Variants in TLN2 observed in about 807,000 individuals in gnomAD.
The protein encoded by TLN2 is talin-2.
A neutral mutation model predicts 294.7 loss-of-function variants in TLN2; 118 were observed. That is an observed-to-expected ratio of 0.40 (90% confidence interval 0.34 to 0.47). TLN2 has a LOEUF of 0.47. Ranked by LOEUF, TLN2 falls within the 20% of genes least tolerant of loss-of-function variation. The probability of loss-of-function intolerance (pLI) is 0.84; values close to 1 mark genes in which losing one functional copy is unlikely to be tolerated. For missense variants in TLN2, 3,083 were observed against 3,282.2 expected, an observed-to-expected ratio of 0.94 and a Z score of 1.48; for synonymous variants, 1,431 against 1,304.5, an observed-to-expected ratio of 1.10 and a Z score of -2.09.
chr15:62,619,388 A>G (rs2048579131), intron 3 of TLN2, among the ~76,000 whole-genome samples: 1 of 152,168 alleles, frequency 6.6e-6, no homozygotes, highest in African/African-American at 2.4e-5. Context: ...AGTTTGTGAG[A>G]GCTATATAGA....
At chr15:62,489,447 G>A (rs1595919663) in intron 1 of TLN2, among the ~76,000 whole-genome samples, 1 of 152,252 alleles carries the variant, frequency 6.6e-6, no homozygotes, top group East Asian at 1.9e-4. Flanking sequence ...AACCTTCCCT[G>A]AAACTTTTCA....
intron 40 of TLN2, among the ~76,000 whole-genome samples, chr15:62,763,964 A>G (rs1463451902): frequency 1.3e-5 from 2 of 152,212 alleles, no homozygotes; most frequent in African/African-American, 2.4e-5. Flanking sequence ...GAAAATATCA[A>G]TATCAAGGTA....
At chr15:62,729,398 C>G (rs1307903409) in intron 28 of TLN2, among the ~76,000 whole-genome samples, 1 of 152,134 alleles carries the variant, frequency 6.6e-6, no homozygotes, top group African/African-American at 2.4e-5. Context: ...ATACTGTTTT[C>G]TTAAGCCAGT....
At chr15:62,676,829 A>G (rs919133202) in intron 11 of TLN2, among the ~76,000 whole-genome samples, 19 of 152,230 alleles carry the variant, frequency 1.2e-4, no homozygotes, top group Admixed American at 1.0e-3. Context: ...TGCCCAGGCT[A>G]GTCTTGAACT....
intron 1 of TLN2, among the ~76,000 whole-genome samples, chr15:62,403,184 G>A (rs2033149474): frequency 6.6e-6 from 1 of 151,200 alleles, no homozygotes. Flanking sequence ...GTTGCAGTGA[G>A]CCGAGATCGT....
intron 1 of TLN2, among the ~76,000 whole-genome samples, chr15:62,544,383 A>G (rs1015685817): frequency 2.6e-5 from 4 of 152,100 alleles, no homozygotes; most frequent in Non-Finnish European, 5.9e-5. Context: ...TTCCTTAGCC[A>G]TCTTTCTGTG....
At chr15:62,441,239 C>G (rs756900575) in intron 1 of TLN2, among the ~76,000 whole-genome samples, 5 of 152,264 alleles carry the variant, frequency 3.3e-5, no homozygotes, top group Non-Finnish European at 5.9e-5. Context: ...ATTTACTTAT[C>G]TAATATTTTT....
Position 62,712,045 on chromosome 15 carries a change from G to T in TLN2, c.2602G>T (p.Asp868Tyr). ...KLLAAAKLLA[D>Y]STARMVEAAK... ...CCTGGCAGCAGCAAAACTCTTAGCTGACTCCACTGCTCGCATGGTGGAAGC... is the reference window on the plus strand; with the variant it reads ...CCTGGCAGCAGCAAAACTCTTAGCTTACTCCACTGCTCGCATGGTGGAAGC... The change falls in exon 22 of 59, where the codon GAC becomes TAC. Residue 868 changes from aspartate (D) to tyrosine (Y), a missense_variant. Physicochemically the swap from Asp to Tyr is radical, Grantham distance 160. Coordinates refer to ENST00000636159, the MANE Select transcript of TLN2 (RefSeq NM_015059.3). The T allele has an allele frequency of 6.2e-7, 1 of 1,614,172 alleles. No homozygotes were observed. Among genetic ancestry groups the T allele is most frequent in the Non-Finnish European group, 8.5e-7 (1 of 1,180,016 alleles).
rs1229807448 is a variant in TLN2, at chr15:62,473,717, A to G, written c.-238+83032A>G. On this transcript the variant is annotated intron_variant, in intron 1 of 58. Coordinates refer to ENST00000636159, the MANE Select transcript of TLN2 (RefSeq NM_015059.3). ...ATACTTCTCTTTCATCAGTGCTACA[A>G]GAAGCCGGTTTCCTCACTGGATCCT... Among the ~76,000 whole-genome samples the G allele has an allele frequency of 2.6e-5, 4 of 152,204 alleles. No homozygotes were observed. The East Asian group carries it at 7.7e-4, about 29-fold the overall frequency.
chr15:62,517,341 T>G (rs2040237323), intron 1 of TLN2, among the ~76,000 whole-genome samples: 1 of 152,242 alleles, frequency 6.6e-6, no homozygotes, highest in African/African-American at 2.4e-5. Context: ...TTCACACATT[T>G]GTTGTACTTG....
At chr15:62,541,421 T>C (rs1226167835) in intron 1 of TLN2, among the ~76,000 whole-genome samples, 2 of 152,212 alleles carry the variant, frequency 1.3e-5, no homozygotes, top group African/African-American at 2.4e-5. Flanking sequence ...GGAATTTGCC[T>C]TGTGGATTTT....
intron 1 of TLN2, among the ~76,000 whole-genome samples, chr15:62,567,580 A>T (rs2043512026): frequency 6.6e-6 from 1 of 152,202 alleles, no homozygotes; most frequent in Non-Finnish European, 1.5e-5. Context: ...CACGCTTGTA[A>T]TCCCAGCACT....
chr15:62,827,958 G>A (rs1211732358), intron 54 of TLN2: 1 of 152,182 alleles, frequency 6.6e-6, no homozygotes, highest in Non-Finnish European at 1.5e-5. Context: ...AAAGAAACAT[G>A]AGGAAAGGCT....
At chr15:62,655,130 G>T (rs908353335) in intron 7 of TLN2, among the ~76,000 whole-genome samples, 2 of 151,796 alleles carry the variant, frequency 1.3e-5, no homozygotes, top group East Asian at 1.9e-4. Context: ...AGAGACTTTA[G>T]TAGAAAAATC....
chr15:62,624,009 G>A (rs2049050847), intron 3 of TLN2, among the ~76,000 whole-genome samples: 2 of 152,164 alleles, frequency 1.3e-5, no homozygotes, highest in African/African-American at 4.8e-5. Context: ...GATTTTCACT[G>A]TATCCTTAAC....
chr15:62,788,949 C>T (rs1005655903), intron 45 of TLN2, among the ~76,000 whole-genome samples: 10 of 152,172 alleles, frequency 6.6e-5, no homozygotes, highest in African/African-American at 2.4e-4. Context: ...ATGGGCTCAC[C>T]CAGAATGTCA....
chr15:62,472,637 A>G (rs2140364777), intron 1 of TLN2, among the ~76,000 whole-genome samples: 1 of 152,336 alleles, frequency 6.6e-6, no homozygotes, highest in East Asian at 1.9e-4. Context: ...ACCAAAAAAA[A>G]GTTTTTTTGG....
At chr15:62,495,102 A>AG (rs1343182577) in intron 1 of TLN2, among the ~76,000 whole-genome samples, 1 of 152,206 alleles carries the variant, frequency 6.6e-6, no homozygotes, top group African/African-American at 2.4e-5. Flanking sequence ...CTGCACTTGC[A>AG]ATTGCACTGT....
chr15:62,493,581 G>A (rs2038862359), intron 1 of TLN2, among the ~76,000 whole-genome samples: 1 of 151,660 alleles, frequency 6.6e-6, no homozygotes, highest in Non-Finnish European at 1.5e-5. Flanking sequence ...TCCCACGTAG[G>A]AAGCTGGCCC....
Sources: gnomAD v4.1 joint callset for allele counts (sites outside exome capture counted in the v4.1 genomes callset) on GRCh38, gnomAD v4.1.1 for gene constraint, MANE v1.5 for transcripts, NCBI Gene and HGNC (gene_info 2026-07-23, HGNC 2026-07-21) for gene names.